PEBP4: variants seen among roughly 807,000 people sequenced by gnomAD.
PEBP4 encodes the protein phosphatidylethanolamine binding protein 4.
In PEBP4, 22 loss-of-function variants were observed where a neutral mutation model predicts 23.9. That is an observed-to-expected ratio of 0.92 (90% CI 0.66 to 1.31). The LOEUF (loss-of-function observed/expected upper bound fraction) is 1.31. PEBP4 is among the 40% of genes most tolerant of loss of function. The pLI is 0.00. For synonymous variants in PEBP4, 112 were observed against 99.3 expected (o/e 1.13, Z -0.76); for missense variants, 324 against 281.7 (o/e 1.15, Z -1.07).
chr8:22,727,061 A>G, intron 5 of PEBP4, 114 bp downstream of exon 5: 1 of 1,172,342 alleles, frequency 8.5e-7, no homozygotes, highest in South Asian at 1.3e-5. Context: ...AGGGCATCCA[A>G]GAAAACTCTC....
intron 4 of PEBP4, among the ~76,000 whole-genome samples, chr8:22,742,405 A>C: frequency 6.6e-6 from 1 of 151,692 alleles, no homozygotes; most frequent in Non-Finnish European, 1.5e-5. Context: ...AGAGGGTGAG[A>C]CCCCTCCCCT....
chr8:22,902,278 G>A (rs1185689677), intron 3 of PEBP4, among the ~76,000 whole-genome samples: 4 of 152,110 alleles, frequency 2.6e-5, no homozygotes, highest in African/African-American at 7.2e-5. Flanking sequence ...GCGGTGAGCC[G>A]AGTTCACCCC....
rs183096612 is a variant in PEBP4 at position 22,771,559 on chromosome 8, G to A, written c.358-44339C>T. Reference sequence around the variant, plus strand: ...TATGTGATGAAATAATAATAATATTGACAACACTAAGCAATCATTGGATGG... The same window carrying A: ...TATGTGATGAAATAATAATAATATTAACAACACTAAGCAATCATTGGATGG... On this transcript the variant is annotated intron_variant, in intron 4 of 6. Transcript: ENST00000256404. 2.3e-4 allele frequency among the ~76,000 whole-genome samples: 35 copies of A among 152,228 alleles called. 1 individual carries two copies. Among genetic ancestry groups the A allele is most frequent in the Non-Finnish European group, 1.5e-5 (1 of 68,010 alleles).
intron 2 of PEBP4, chr8:22,924,843 G>T: frequency 3.0e-6 from 3 of 985,420 alleles, no homozygotes; most frequent in Non-Finnish European, 3.6e-6. Flanking sequence ...TATCTCAGAA[G>T]CAGGGAAGGT....
intron 4 of PEBP4, among the ~76,000 whole-genome samples, chr8:22,753,535 G>A (rs1374627064): frequency 2.0e-5 from 3 of 152,190 alleles, no homozygotes; most frequent in East Asian, 1.9e-4. Context: ...TGATATTGGC[G>A]TGTTTCATGT....
At chr8:22,855,649 C>A (rs1217228881) in intron 3 of PEBP4, among the ~76,000 whole-genome samples, 4 of 152,108 alleles carry the variant, frequency 2.6e-5, no homozygotes, top group Non-Finnish European at 4.4e-5. Flanking sequence ...GTGGGGAAGA[C>A]CTTCCCAATG....
At chr8:22,730,641 G>T (rs1432141488) in intron 4 of PEBP4, among the ~76,000 whole-genome samples, 1 of 152,232 alleles carries the variant, frequency 6.6e-6, no homozygotes, top group East Asian at 1.9e-4. Flanking sequence ...GGAGGTAAGA[G>T]GGAGAAACCT....
At chr8:22,891,797 G>C (rs1253310931) in intron 3 of PEBP4, among the ~76,000 whole-genome samples, 1 of 152,202 alleles carries the variant, frequency 6.6e-6, no homozygotes, top group Non-Finnish European at 1.5e-5. Context: ...GGAAGGGCCG[G>C]GCATGGTGGC....
In PEBP4 at chr8:22,920,196, CG is replaced by C; in HGVS notation, c.245del (p.Pro82ArgfsTer12). 1 of 1,612,340 alleles carries C rather than the reference CG, an allele frequency of 6.2e-7. No homozygotes were observed. The highest frequency in any genetic ancestry group is 8.5e-7 in the Non-Finnish European group (1 of 1,178,672). ...CCTGCTCACTCACGTCCACGGCCCC[CG>C]GGAACTTGACTATCGGCTCCATCCA... Reference protein sequence around the residue: ...TSWMEPIVKFPGAVDGATYIL... With the variant: ...TSWMEPIVKFXGAVDGATYIL... On this transcript the variant is annotated frameshift_variant, in exon 3 of 7. Transcript: ENST00000256404. LOFTEE classifies it high-confidence loss of function.
At chr8:22,737,290 G>T (rs1274296260) in intron 4 of PEBP4, among the ~76,000 whole-genome samples, 2 of 108,414 alleles carry the variant, frequency 1.8e-5, no homozygotes, top group East Asian at 5.1e-4. Flanking sequence ...TTGAGACTCC[G>T]TCTCAAAAAA....
chr8:22,845,037 A>C (rs1435361442), intron 3 of PEBP4, among the ~76,000 whole-genome samples: 1 of 152,210 alleles, frequency 6.6e-6, no homozygotes, highest in African/African-American at 2.4e-5. Flanking sequence ...CAGGATGCAA[A>C]GGGGAGAGCA....
chr8:22,852,435 C>A (rs1454479488), intron 3 of PEBP4, among the ~76,000 whole-genome samples: 1 of 152,106 alleles, frequency 6.6e-6, no homozygotes, highest in South Asian at 2.1e-4. Flanking sequence ...GCACAAACCT[C>A]CTGATTTCTT....
At chr8:22,857,200 A>G (rs531697671) in intron 3 of PEBP4, among the ~76,000 whole-genome samples, 4 of 151,976 alleles carry the variant, frequency 2.6e-5, no homozygotes, top group East Asian at 1.9e-4. Flanking sequence ...GGGTAGTCCA[A>G]ATTTTTATAG....
chr8:22,917,031 C>T (rs1809090725), intron 3 of PEBP4, among the ~76,000 whole-genome samples: 1 of 151,162 alleles, frequency 6.6e-6, no homozygotes, highest in Non-Finnish European at 1.5e-5. Flanking sequence ...GGGGAAGTGG[C>T]CAATGCCAGA....
upstream of PEBP4, among the ~76,000 whole-genome samples, chr8:22,931,115 GAC>G (rs1488288700): frequency 1.3e-5 from 2 of 152,018 alleles, no homozygotes; most frequent in African/African-American, 4.8e-5. Context: ...TCTCTACCCA[GAC>G]ACAGACTCTT....
At chr8:22,737,292 C>T (rs547917345) in intron 4 of PEBP4, among the ~76,000 whole-genome samples, 2 of 100,940 alleles carry the variant, frequency 2.0e-5, no homozygotes, top group African/African-American at 9.1e-5. Flanking sequence ...GAGACTCCGT[C>T]TCAAAAAAAA....
chr8:22,791,574 G>A (rs1266763505), intron 4 of PEBP4, among the ~76,000 whole-genome samples: 6 of 151,736 alleles, frequency 4.0e-5, no homozygotes, highest in Non-Finnish European at 5.9e-5. Context: ...GTGTGTGCGC[G>A]CACACGCATG....
rs537359566 is a variant in PEBP4 at position 22,725,159 on chromosome 8, G to C, written c.404-203C>G. Among the ~76,000 whole-genome samples the C allele has an allele frequency of 1.0e-3, 155 of 152,128 alleles. 1 individual carries two copies. Among genetic ancestry groups the C allele is most frequent in the African/African-American group, 3.6e-3 (149 of 41,484 alleles). ...TACATATTTTGGTGGGGGTGAGAGT[G>C]GGGGAGGAGGTGGTCCAAGAGGAAA... On this transcript the variant is annotated intron_variant, in intron 5 of 6. Transcript: ENST00000256404.
At chr8:22,838,503 C>A (rs1807253984) in intron 3 of PEBP4, among the ~76,000 whole-genome samples, 1 of 152,248 alleles carries the variant, frequency 6.6e-6, no homozygotes, top group Non-Finnish European at 1.5e-5. Context: ...TCCTCCCTCA[C>A]ACATGACACT....
Sources: gnomAD v4.1 joint callset for allele counts (sites outside exome capture counted in the v4.1 genomes callset) on GRCh38, gnomAD v4.1.1 for gene constraint, MANE v1.5 for transcripts, NCBI Gene and HGNC (gene_info 2026-07-23, HGNC 2026-07-21) for gene names.